The following TMEM117 variants were observed in gnomAD, a reference collection of about 807,000 sequenced individuals.
TMEM117 encodes transmembrane protein 117.
TMEM117 carries 27 observed loss-of-function variants against 52.4 expected under a neutral mutation model. That is an observed-to-expected ratio of 0.51 (90% CI 0.38 to 0.71). The LOEUF is 0.71. Ranked by LOEUF, TMEM117 falls within the 30% of genes least tolerant of loss-of-function variation. The pLI, the probability that TMEM117 is intolerant of heterozygous loss-of-function variation, is 0.00. For synonymous variants in TMEM117, 215 were observed against 206.3 expected, an observed-to-expected ratio of 1.04 and a Z score of -0.36; for missense variants, 556 against 630.5, an observed-to-expected ratio of 0.88 and a Z score of 1.26.
At chr12:43,848,434 GTATTAA>G (rs1001390459) in intron 2 of TMEM117, among the ~76,000 whole-genome samples, 3 of 151,998 alleles carry the variant, frequency 2.0e-5, no homozygotes, top group African/African-American at 7.2e-5. Context: ...TTTTCCCAGG[GTATTAA>G]TATTAATATT....
intron 5 of TMEM117, among the ~76,000 whole-genome samples, chr12:44,281,626 C>T (rs1359751604): frequency 6.6e-6 from 1 of 151,990 alleles, no homozygotes; most frequent in African/African-American, 2.4e-5. Flanking sequence ...TTTTTCTTTT[C>T]TTTTTTAAAA....
At chr12:43,822,227 C>T in the TMEM117 span, among the ~76,000 whole-genome samples, 2 of 152,310 alleles carry the variant, frequency 1.3e-5, no homozygotes, top group African/African-American at 2.4e-5. Flanking sequence ...TTAACTCTTG[C>T]GTGAGCCCAG....
rs1003992416 is a variant in TMEM117, at chr12:44,332,508, G to T, written c.768+32769G>T. ...GATAAAATTGTTCTAGATCCCTGTTGTAATCTAAGTTAAAAGTTATAATCC... is the reference window on the plus strand; with the variant it reads ...GATAAAATTGTTCTAGATCCCTGTTTTAATCTAAGTTAAAAGTTATAATCC... On this transcript the variant is annotated intron_variant, in intron 6 of 7. Transcript: ENST00000266534. 3.3e-4 allele frequency among the ~76,000 whole-genome samples: 50 copies of T among 151,950 alleles called. 1 individual carries two copies. The highest frequency in any genetic ancestry group is 7.4e-5 in the Non-Finnish European group (5 of 67,978).
At chr12:44,122,374 T>G (rs1337878329) in intron 3 of TMEM117, among the ~76,000 whole-genome samples, 1 of 152,114 alleles carries the variant, frequency 6.6e-6, no homozygotes, top group East Asian at 1.9e-4. Context: ...GTGTAGTATT[T>G]CATGGTTCTA....
At chr12:43,915,358 G>C (rs1482418434) in intron 2 of TMEM117, among the ~76,000 whole-genome samples, 2 of 152,150 alleles carry the variant, frequency 1.3e-5, no homozygotes, top group Non-Finnish European at 2.9e-5. Context: ...TGGATCTTGG[G>C]CTTCCTGTCT....
intron 3 of TMEM117, among the ~76,000 whole-genome samples, chr12:44,013,843 T>C (rs1364976849): frequency 6.6e-6 from 1 of 152,218 alleles, no homozygotes; most frequent in Non-Finnish European, 1.5e-5. Flanking sequence ...GTGTAGGGTT[T>C]GCCCTAAGAC....
intron 2 of TMEM117, among the ~76,000 whole-genome samples, chr12:43,929,765 C>G (rs557714242): frequency 2.6e-5 from 4 of 152,170 alleles, no homozygotes; most frequent in African/African-American, 9.6e-5. Context: ...GCTATTAAAT[C>G]TATCCATTGG....
Position 44,211,407 on chromosome 12 carries a change from A to G in TMEM117, c.608+20A>G, listed in dbSNP as rs187961030. 2.4e-5 allele frequency: 37 copies of G among 1,547,764 alleles called. No individual in the cohort carries two copies. The highest frequency in any genetic ancestry group is 9.0e-5 in the East Asian group (4 of 44,302). ...ATTCTGGTAGGAAATTGTTTCACTTATTTATTTCTGCCTTGCCTCATTCAC... is the reference window on the plus strand; with the variant it reads ...ATTCTGGTAGGAAATTGTTTCACTTGTTTATTTCTGCCTTGCCTCATTCAC... On this transcript the variant is annotated intron_variant, in intron 5 of 7. Transcript: ENST00000266534.
the TMEM117 span, among the ~76,000 whole-genome samples, chr12:43,800,212 G>C: frequency 6.6e-6 from 1 of 152,050 alleles, no homozygotes; most frequent in East Asian, 1.9e-4. Context: ...AGAAGAATCA[G>C]TATGTTTCAA....
rs370897934 is a variant in TMEM117 at position 44,334,618 on chromosome 12, C to T, written c.768+34879C>T. Among the ~76,000 whole-genome samples the T allele has an allele frequency of 1.3e-4, 20 of 152,042 alleles. No homozygotes were observed. The South Asian group carries it at 1.9e-3, about 14-fold the overall frequency. On this transcript the variant is annotated intron_variant, in intron 6 of 7. Transcript: ENST00000266534. ...TCTTCTGAGACACGTGGCATGATTA[C>T]TTAAGGTTTGGCTTATGTGGCACTG...
chr12:44,375,706 A>G (rs969403955), intron 6 of TMEM117, among the ~76,000 whole-genome samples: 3 of 152,212 alleles, frequency 2.0e-5, no homozygotes, highest in African/African-American at 4.8e-5. Flanking sequence ...TTAACTAAAT[A>G]TAGGACTGAT....
rs554067138 is a variant in TMEM117 at position 44,359,209 on chromosome 12, A to C, written c.769-17386A>C. Among the ~76,000 whole-genome samples, 400 of 143,748 alleles carry C rather than the reference A, an allele frequency of 2.8e-3. 1 individual carries two copies. The highest frequency in any genetic ancestry group is 4.9e-3 in the Non-Finnish European group (324 of 65,798). The allele number at this position is 143,748 out of a possible 152,430, so 94.3% of individuals were successfully genotyped here. ...TTGGAATTAAAGGGAGATTTAAGGC[A>C]AAAAAAAAAAGTAAAAGAATTGCTG... On this transcript the variant is annotated intron_variant, in intron 6 of 7. Coordinates refer to ENST00000266534, the MANE Select transcript of TMEM117 (RefSeq NM_032256.3).
At chr12:44,158,723 T>C (rs1428344662) in intron 4 of TMEM117, among the ~76,000 whole-genome samples, 1 of 152,068 alleles carries the variant, frequency 6.6e-6, no homozygotes, top group Non-Finnish European at 1.5e-5. Context: ...TAACAAACTC[T>C]AGAAACATTA....
chr12:44,379,144 GAGGAGGGAGGGAAGAAAGGA>G (rs920936485), intron 7 of TMEM117, among the ~76,000 whole-genome samples: 5 of 151,578 alleles, frequency 3.3e-5, no homozygotes, highest in Non-Finnish European at 5.9e-5. Context: ...AAGGAAGAAA[GAGGAGGGAGGGAAGAAAGGA>G]AGGAGGGAGG....
chr12:44,243,635 A>G (rs926744796), intron 5 of TMEM117, among the ~76,000 whole-genome samples: 1 of 151,908 alleles, frequency 6.6e-6, no homozygotes, highest in Non-Finnish European at 1.5e-5. Context: ...GTGATGATAC[A>G]CTTAAAACTC....
chr12:44,048,357 TTCTTA>T (rs1946913050), intron 3 of TMEM117, among the ~76,000 whole-genome samples: 1 of 152,210 alleles, frequency 6.6e-6, no homozygotes, highest in South Asian at 2.1e-4. Context: ...TTGATTTCTG[TTCTTA>T]TCTTTGCCAT....
At chr12:44,022,126 A>G (rs991661992) in intron 3 of TMEM117, among the ~76,000 whole-genome samples, 5 of 152,206 alleles carry the variant, frequency 3.3e-5, no homozygotes, top group African/African-American at 1.2e-4. Context: ...TTTTATGTGA[A>G]CATTAAAGAC....
At chr12:44,152,094 TA>T (rs1274326844) in intron 4 of TMEM117, among the ~76,000 whole-genome samples, 1 of 113,360 alleles carries the variant, frequency 8.8e-6, no homozygotes, top group African/African-American at 3.6e-5. Flanking sequence ...ATTATAAACA[TA>T]AATATATAAT....
intron 3 of TMEM117, among the ~76,000 whole-genome samples, chr12:44,083,231 C>G (rs1947511194): frequency 6.6e-6 from 1 of 151,942 alleles, no homozygotes; most frequent in Admixed American, 6.6e-5. Flanking sequence ...AAATGTTCAA[C>G]TTGGATATTG....
Sources: allele counts gnomAD v4.1 joint callset (sites outside exome capture counted in the v4.1 genomes callset), GRCh38; gene constraint gnomAD v4.1.1; transcripts MANE v1.5; gene names NCBI Gene and HGNC (gene_info 2026-07-23, HGNC 2026-07-21).